The following FGD5 variants were observed in gnomAD, a reference collection of about 807,000 sequenced individuals.
FGD5 encodes the protein FYVE, RhoGEF and PH domain-containing protein 5.
Under a neutral mutation model 133.4 loss-of-function variants are expected in FGD5, and 28 were observed. The observed-to-expected ratio is 0.21, with a 90% CI of 0.16 to 0.29. The LOEUF (loss-of-function observed/expected upper bound fraction) is 0.29. Among genes scored for constraint, FGD5 ranks in the 10% least tolerant of loss-of-function variants. The probability of loss-of-function intolerance (pLI) is 1.00; values close to 1 mark genes in which losing one functional copy is unlikely to be tolerated. For missense variants in FGD5, 1,858 were observed against 1,895.2 expected, an observed-to-expected ratio of 0.98 and a Z score of 0.36; for synonymous variants, 810 against 776.5, an observed-to-expected ratio of 1.04 and a Z score of -0.72.
chr3:14,842,120 C>A (rs1004553967), intron 1 of FGD5, among the ~76,000 whole-genome samples: 1 of 152,240 alleles, frequency 6.6e-6, no homozygotes, highest in Non-Finnish European at 1.5e-5. Context: ...AACTCAGTGG[C>A]GTTCACAGCC....
At chr3:14,854,175 G>T (rs912903918) in intron 1 of FGD5, among the ~76,000 whole-genome samples, 1 of 151,882 alleles carries the variant, frequency 6.6e-6, no homozygotes, top group Non-Finnish European at 1.5e-5. Flanking sequence ...ACTCTTTTCT[G>T]TGTGATGCCA....
At chr3:14,860,500 A>T (rs917370608) in intron 1 of FGD5, among the ~76,000 whole-genome samples, 11 of 152,186 alleles carry the variant, frequency 7.2e-5, no homozygotes, top group Non-Finnish European at 1.5e-4. Flanking sequence ...ACAGAATCAG[A>T]TAAAGAAGTA....
intron 10 of FGD5, 76 bp downstream of exon 10, chr3:14,907,787 G>A (rs2125141015): frequency 1.4e-6 from 2 of 1,468,344 alleles, no homozygotes; most frequent in South Asian, 2.4e-5. Context: ...TCACTGGGCT[G>A]GCCCCAGACA....
chr3:14,859,669 C>T (rs1188054343), intron 1 of FGD5, among the ~76,000 whole-genome samples: 2 of 152,174 alleles, frequency 1.3e-5, no homozygotes, highest in Non-Finnish European at 2.9e-5. Flanking sequence ...TTATTGACTG[C>T]AGTCACCCTG....
chr3:14,895,986 C>T (rs1046560565), intron 4 of FGD5, among the ~76,000 whole-genome samples: 1 of 151,678 alleles, frequency 6.6e-6, no homozygotes, highest in African/African-American at 2.4e-5. Flanking sequence ...TCCATATACC[C>T]AAAGTGAACA....
At chr3:14,910,747 C>T (rs1241911830) in intron 10 of FGD5, 114 bp from the exon 11 acceptor site, 2 of 897,456 alleles carry the variant, frequency 2.2e-6, no homozygotes, top group Non-Finnish European at 3.4e-6. Flanking sequence ...GGGGCCTCCC[C>T]TGCACCCTTG....
chr3:14,820,295 C>A lies in FGD5; in HGVS notation c.1224C>A (p.Pro408=). 3.1e-6 allele frequency: 5 copies of A among 1,605,292 alleles called. No individual in the cohort carries two copies. Among genetic ancestry groups the A allele is most frequent in the Non-Finnish European group, 4.3e-6 (5 of 1,175,332 alleles). ...TACAGGGTGGAGCGGCCGAGGGTCC[C>A]GCAGCCCCTGATGTGGTGGTCGTGC... The part of the protein sequence containing the change: ...GSLQGGAAEG[P]AAPDVVVVLE... Residue 408 remains proline, a synonymous_variant, in exon 1 of 20, where the codon CCC becomes CCA. Coordinates refer to ENST00000285046, the MANE Select transcript of FGD5 (RefSeq NM_152536.4).
chr3:14,834,754 GC>G (rs1374920180), intron 1 of FGD5, among the ~76,000 whole-genome samples: 1 of 152,206 alleles, frequency 6.6e-6, no homozygotes, highest in Non-Finnish European at 1.5e-5. Flanking sequence ...AGGGAGAGAA[GC>G]CACAGGCGGG....
At chr3:14,911,654 C>T (rs1262954902) in intron 11 of FGD5, among the ~76,000 whole-genome samples, 4 of 151,704 alleles carry the variant, frequency 2.6e-5, no homozygotes, top group Non-Finnish European at 5.9e-5. Flanking sequence ...CTGAGCACCT[C>T]GTGTGTGCTG....
At chr3:14,871,981 C>T (rs1334981919) in intron 2 of FGD5, among the ~76,000 whole-genome samples, 2 of 152,206 alleles carry the variant, frequency 1.3e-5, no homozygotes, top group Non-Finnish European at 2.9e-5. Context: ...AACACAGTAT[C>T]CCAGGTCCCA....
intron 2 of FGD5, 74 bp from the exon 3 acceptor site, chr3:14,880,498 C>G: frequency 4.1e-6 from 6 of 1,477,252 alleles, no homozygotes; most frequent in Non-Finnish European, 4.6e-6. Flanking sequence ...TGGAACTTGC[C>G]TCCAGCAGCA....
chr3:14,876,366 T>C (rs1318499333), intron 2 of FGD5, among the ~76,000 whole-genome samples: 1 of 152,218 alleles, frequency 6.6e-6, no homozygotes, highest in Non-Finnish European at 1.5e-5. Flanking sequence ...CTCTTAAAAA[T>C]GATCGAGGGC....
Position 14,918,777 on chromosome 3 carries a change from A to G in FGD5, c.3513A>G (p.Lys1171=). 6.2e-7 allele frequency: 1 copy of G among 1,613,992 alleles called. No homozygotes were observed. Among genetic ancestry groups the G allele is most frequent in the South Asian group, 1.1e-5 (1 of 91,086 alleles). The change falls in exon 13 of 20, where the codon AAA becomes AAG. Residue 1171 remains lysine (K), a synonymous_variant. Transcript: ENST00000285046. ...NMKVSRPVME[K]VPYALKIETS... Reference sequence around the variant, plus strand: ...AGGTCAGCCGCCCTGTGATGGAGAAAGTGCCCTACGCTCTAAAGATTGAGA... The same window carrying G: ...AGGTCAGCCGCCCTGTGATGGAGAAGGTGCCCTACGCTCTAAAGATTGAGA...
intron 1 of FGD5, among the ~76,000 whole-genome samples, chr3:14,844,389 A>T (rs1222942679): frequency 3.3e-5 from 5 of 149,274 alleles, no homozygotes; most frequent in African/African-American, 1.2e-4. Flanking sequence ...CCTTAGAGAA[A>T]CACTGCCCTG....
chr3:14,933,322 C>G lies in FGD5; in HGVS notation c.*155C>G. 1.4e-6 allele frequency: 1 copy of G among 735,892 alleles called. No homozygotes were observed. 45.6% of individuals were successfully genotyped at this position (735,892 alleles called of 1,614,324 possible). A position where few individuals can be genotyped will look rare whatever the true frequency, so the allele number is the denominator to read the frequency against. On this transcript the variant is annotated 3_prime_UTR_variant, in exon 20 of 20. Coordinates refer to ENST00000285046, the MANE Select transcript of FGD5 (RefSeq NM_152536.4). ...ATAACCGCCCCACCACTCCCCTGCC[C>G]TTGCCAACATCTTCATGAATGGAAT...
intron 11 of FGD5, among the ~76,000 whole-genome samples, chr3:14,915,889 C>A (rs1251695040): frequency 6.6e-6 from 1 of 152,174 alleles, no homozygotes; most frequent in African/African-American, 2.4e-5. Context: ...ACAGGGCTCA[C>A]CCTGGTTCAT....
intron 1 of FGD5, among the ~76,000 whole-genome samples, chr3:14,848,430 GCA>G (rs1211739025): frequency 3.3e-5 from 5 of 151,918 alleles, no homozygotes. Flanking sequence ...GTAACTTGCT[GCA>G]GCCTTAACAC....
intron 4 of FGD5, among the ~76,000 whole-genome samples, chr3:14,887,152 C>A (rs1023634461): frequency 1.3e-5 from 2 of 152,168 alleles, no homozygotes; most frequent in African/African-American, 4.8e-5. Flanking sequence ...GTATGTCTCT[C>A]CGTCAGTTGT....
chr3:14,844,204 TAAAAAAAA>T (rs1168327274), intron 1 of FGD5, among the ~76,000 whole-genome samples: 786 of 17,088 alleles, frequency 0.046, 28 homozygotes, highest in Non-Finnish European at 0.062. Flanking sequence ...TAATAGGCAT[TAAAAAAAA>T]AAAAAATATA....
Sources: allele counts gnomAD v4.1 joint callset (sites outside exome capture counted in the v4.1 genomes callset), GRCh38; gene constraint gnomAD v4.1.1; transcripts MANE v1.5; gene names NCBI Gene and HGNC (gene_info 2026-07-23, HGNC 2026-07-21).